The following FOXP1 variants were observed in gnomAD, a reference collection of about 807,000 sequenced individuals.
FOXP1 encodes the protein forkhead box protein P1.
A neutral mutation model predicts 98.2 loss-of-function variants in FOXP1; 15 were observed. That is an observed-to-expected ratio of 0.15 (90% CI 0.10 to 0.24). The LOEUF is 0.24. Among genes scored for constraint, FOXP1 ranks in the 10% least tolerant of loss-of-function variants. The pLI is 1.00. For missense variants in FOXP1, 633 were observed against 848.5 expected, an observed-to-expected ratio of 0.75 and a Z score of 3.15; for synonymous variants, 371 against 314.5, an observed-to-expected ratio of 1.18 and a Z score of -1.90.
chr3:71,281,908 C>A (rs1304140696), intron 5 of FOXP1, among the ~76,000 whole-genome samples: 1 of 149,550 alleles, frequency 6.7e-6, no homozygotes, highest in Non-Finnish European at 1.5e-5. Flanking sequence ...ACCGGCCTGG[C>A]CAACATGGCA....
intron 7 of FOXP1, chr3:71,064,832 C>T (rs1201700690): frequency 2.2e-5 from 22 of 983,712 alleles, no homozygotes; most frequent in Non-Finnish European, 2.7e-5. Context: ...ACCTGACACT[C>T]TCCATGTAGC....
At chr3:71,367,756 A>G (rs914506683) in intron 3 of FOXP1, among the ~76,000 whole-genome samples, 1 of 152,236 alleles carries the variant, frequency 6.6e-6, no homozygotes, top group African/African-American at 2.4e-5. Context: ...AGAAAATTCA[A>G]ATCTTAAAAG....
At chr3:71,459,949 T>C (rs1298953603) in intron 3 of FOXP1, among the ~76,000 whole-genome samples, 1 of 151,232 alleles carries the variant, frequency 6.6e-6, no homozygotes, top group African/African-American at 2.4e-5. Flanking sequence ...TTTTTCTTTT[T>C]TTAAGATGGA....
In FOXP1 at chr3:71,500,825, G is replaced by C. The variant is rs184254525; in HGVS notation, c.-297-7270C>G. On this transcript the variant is annotated intron_variant, in intron 2 of 20. Transcript: ENST00000649528. ...CCTCCACCGTGATTCCAAGATCCAT[G>C]GAAACCTTTCTATTCATAGTCACAT... Among the ~76,000 whole-genome samples the C allele has an allele frequency of 1.1e-4, 16 of 152,232 alleles. No individual in the cohort carries two copies. The East Asian group carries it at 3.1e-3, about 29-fold the overall frequency.
rs376596000 is a variant in FOXP1, at chr3:71,016,425, A to G, written c.870-772T>C. On this transcript the variant is annotated intron_variant, in intron 11 of 20. Coordinates refer to ENST00000649528, the MANE Select transcript of FOXP1 (RefSeq NM_001349338.3). Reference sequence around the variant, plus strand: ...TCTGTTGCACTCACCGATGAACCATATTCTCAAATATTTTCTCTATTATAT... The same window carrying G: ...TCTGTTGCACTCACCGATGAACCATGTTCTCAAATATTTTCTCTATTATAT... Among the ~76,000 whole-genome samples, 13 of 152,292 alleles carry G rather than the reference A, an allele frequency of 8.5e-5. No homozygotes were observed. The East Asian group carries it at 1.7e-3, about 20-fold the overall frequency.
At chr3:71,366,638 T>C (rs1052957351) in intron 3 of FOXP1, among the ~76,000 whole-genome samples, 16 of 152,236 alleles carry the variant, frequency 1.1e-4, no homozygotes, top group African/African-American at 3.4e-4. Flanking sequence ...TGGTTTTGAC[T>C]TTAAAAAAAG....
At chr3:71,203,212 C>G (rs2063783251) in intron 5 of FOXP1, among the ~76,000 whole-genome samples, 1 of 152,160 alleles carries the variant, frequency 6.6e-6, no homozygotes. Context: ...TTTAATATAA[C>G]CCTACAAAGG....
At chr3:71,387,658 C>G (rs2080694609) in intron 3 of FOXP1, among the ~76,000 whole-genome samples, 1 of 152,164 alleles carries the variant, frequency 6.6e-6, no homozygotes, top group Non-Finnish European at 1.5e-5. Context: ...GAATGCATAA[C>G]AATTCTTAAA....
In FOXP1 at chr3:71,528,155, T is replaced by C. The variant is rs182607992; in HGVS notation, c.-297-34600A>G. On this transcript the variant is annotated intron_variant, in intron 2 of 20. Transcript: ENST00000649528. ...TGTGGTTTCTTCTTGGTTCTCTTTATGAAAACATGTTTGTGCTTACACCTC... is the reference window on the plus strand; with the variant it reads ...TGTGGTTTCTTCTTGGTTCTCTTTACGAAAACATGTTTGTGCTTACACCTC... 1.4e-4 allele frequency among the ~76,000 whole-genome samples: 22 copies of C among 152,360 alleles called. No individual in the cohort carries two copies. The East Asian group carries it at 4.2e-3, about 29-fold the overall frequency.
At position 71,368,782 on chromosome 3, in the gene FOXP1, G is replaced by C. The variant is rs984326394; in HGVS notation, c.-167-9538C>G. 9.2e-5 allele frequency among the ~76,000 whole-genome samples: 14 copies of C among 152,132 alleles called. 2 individuals carry two copies. Among genetic ancestry groups the C allele is most frequent in the Admixed American group, 7.9e-4 (12 of 15,274 alleles). ...CAGTAGCAAGGGGCAGCACTTCTAA[G>C]CCCATGATGGAAGGTCAACTGCACT... On this transcript the variant is annotated intron_variant, in intron 3 of 20. Transcript: ENST00000649528.
chr3:71,030,292 A>G (rs1179219044), intron 11 of FOXP1, among the ~76,000 whole-genome samples: 1 of 152,194 alleles, frequency 6.6e-6, no homozygotes, highest in Non-Finnish European at 1.5e-5. Flanking sequence ...ACGCAGCCAA[A>G]TATCTTCTAT....
intron 5 of FOXP1, among the ~76,000 whole-genome samples, chr3:71,200,078 T>C (rs1412694893): frequency 4.0e-5 from 2 of 50,616 alleles, no homozygotes; most frequent in Admixed American, 3.8e-4. Flanking sequence ...CGAGACTCCA[T>C]CTCACAAAAA....
intron 7 of FOXP1, among the ~76,000 whole-genome samples, chr3:71,057,516 G>C (rs1206438547): frequency 1.3e-5 from 2 of 150,298 alleles, no homozygotes; most frequent in Non-Finnish European, 3.0e-5. Context: ...TTAACTGTTT[G>C]AGTATATAGA....
chr3:71,029,390 CTTT>C (rs966188584), intron 11 of FOXP1, among the ~76,000 whole-genome samples: 1 of 149,072 alleles, frequency 6.7e-6, no homozygotes, highest in South Asian at 2.1e-4. Context: ...CACTAGTGCT[CTTT>C]TTTTTTTATT....
intron 3 of FOXP1, among the ~76,000 whole-genome samples, chr3:71,486,755 TTC>T (rs1240473353): frequency 6.6e-6 from 1 of 152,200 alleles, no homozygotes; most frequent in Non-Finnish European, 1.5e-5. Context: ...GGAAATTTCC[TTC>T]TCTTTGCTTC....
chr3:71,503,810 C>T (rs1476326473), intron 2 of FOXP1, among the ~76,000 whole-genome samples: 1 of 152,122 alleles, frequency 6.6e-6, no homozygotes, highest in East Asian at 1.9e-4. Flanking sequence ...TACAAACATA[C>T]TAAGTAGCCT....
At chr3:71,456,876 G>T (rs2087564941) in intron 3 of FOXP1, among the ~76,000 whole-genome samples, 2 of 151,496 alleles carry the variant, frequency 1.3e-5, no homozygotes. Context: ...AAGAAAGAGT[G>T]TTAGCAGGTT....
intron 13 of FOXP1, among the ~76,000 whole-genome samples, chr3:70,997,534 C>G (rs73118213): frequency 0.066 from 10,070 of 152,228 alleles, 325 homozygotes; most frequent in South Asian, 0.14. Context: ...TCTTTAAATA[C>G]TAAAAATTGC....
At chr3:71,079,884 A>T (rs2054226073) in intron 7 of FOXP1, among the ~76,000 whole-genome samples, 1 of 152,234 alleles carries the variant, frequency 6.6e-6, no homozygotes. Flanking sequence ...TCTACATTTT[A>T]TAGATGAGAA....
Sources: gnomAD v4.1 joint callset for allele counts (sites outside exome capture counted in the v4.1 genomes callset) on GRCh38, gnomAD v4.1.1 for gene constraint, MANE v1.5 for transcripts, NCBI Gene and HGNC (gene_info 2026-07-23, HGNC 2026-07-21) for gene names.